ATF2: variants seen among roughly 807,000 people sequenced by gnomAD.
ATF2 encodes the protein activating transcription factor 2, also known as cyclic AMP-dependent transcription factor ATF-2.
ATF2 carries 24 observed loss-of-function variants against 60.6 expected under a neutral mutation model. The observed-to-expected ratio is 0.40, with a 90% CI of 0.29 to 0.56. The LOEUF (loss-of-function observed/expected upper bound fraction) is 0.56, where lower values mean the gene tolerates loss of function less well. Ranked by LOEUF, ATF2 falls within the 20% of genes least tolerant of loss-of-function variation. ATF2 has a pLI of 0.54. For synonymous variants in ATF2, 206 were observed against 215.4 expected (o/e 0.96, Z 0.38); for missense variants, 433 against 607.7 (o/e 0.71, Z 3.02).
chr2:175,163,862 A>ACAATGAGC (rs1451002505), intron 1 of ATF2, among the ~76,000 whole-genome samples: 1 of 131,820 alleles, frequency 7.6e-6, no homozygotes, highest in African/African-American at 2.7e-5. Context: ...GGCAGAGGTT[A>ACAATGAGC]CAATGAGCTG....
chr2:175,103,791 A>G (rs1189158860), intron 10 of ATF2, among the ~76,000 whole-genome samples: 1 of 152,180 alleles, frequency 6.6e-6, no homozygotes, highest in Non-Finnish European at 1.5e-5. Flanking sequence ...TTGATTACAA[A>G]TATTACAAAA....
At chr2:175,082,886 G>A (rs1048253290) in intron 12 of ATF2, among the ~76,000 whole-genome samples, 4 of 152,082 alleles carry the variant, frequency 2.6e-5, no homozygotes, top group African/African-American at 9.7e-5. Context: ...GCATAGGAAA[G>A]CATTTCACAA....
chr2:175,093,324 T>G lies in ATF2; in HGVS notation c.979-57A>C, dbSNP rs1220639371. ...TTTGTATCTAGTGAGTGAATTAACA[T>G]AGGCAGTAAAGGGTGTCAAAGGGGG... On this transcript the variant is annotated intron_variant, in intron 11 of 13. Transcript: ENST00000264110. 5.8e-6 allele frequency: 9 copies of G among 1,547,734 alleles called. No homozygotes were observed. The East Asian group carries it at 1.6e-4, about 28-fold the overall frequency.
chr2:175,118,459 G>T (rs1696733217), intron 5 of ATF2, 90 bp from the exon 6 acceptor site: 2 of 1,038,610 alleles, frequency 1.9e-6, no homozygotes, highest in East Asian at 5.4e-5. Flanking sequence ...AGCAGGACTG[G>T]TTCAGTCAGT....
chr2:175,142,177 T>G (rs1343971169), intron 2 of ATF2, among the ~76,000 whole-genome samples: 1 of 148,046 alleles, frequency 6.8e-6, no homozygotes, highest in Admixed American at 6.7e-5. Flanking sequence ...CTCTTTCCAG[T>G]TTTCTTTTCT....
intron 10 of ATF2, among the ~76,000 whole-genome samples, chr2:175,108,759 G>T (rs970232537): frequency 2.0e-5 from 3 of 150,356 alleles, no homozygotes; most frequent in Admixed American, 1.3e-4. Context: ...GGAAAAGATA[G>T]AGAAATCAGA....
Position 175,074,447 on chromosome 2 carries a change from C to T in ATF2, c.*162G>A. ...CAGAGACTAAAAACCGTTTTTCAGT[C>T]TGATCAACTGCTGCTACACCAACTT... On this transcript the variant is annotated 3_prime_UTR_variant, in exon 14 of 14. Coordinates refer to ENST00000264110, the MANE Select transcript of ATF2 (RefSeq NM_001880.4). The T allele has an allele frequency of 1.3e-6, 1 of 788,674 alleles. No homozygotes were observed. Among genetic ancestry groups the T allele is most frequent in the Non-Finnish European group, 1.9e-6 (1 of 538,014 alleles). 48.9% of individuals were successfully genotyped at this position (788,674 alleles called of 1,614,324 possible).
intron 1 of ATF2, among the ~76,000 whole-genome samples, chr2:175,164,960 G>A (rs1700255726): frequency 6.6e-6 from 1 of 152,162 alleles, no homozygotes; most frequent in Non-Finnish European, 1.5e-5. Context: ...AGGTGCTAGC[G>A]ATTCTCCTGC....
intron 13 of ATF2, chr2:175,075,154 A>C: frequency 1.0e-6 from 1 of 979,672 alleles, no homozygotes; most frequent in Non-Finnish European, 1.3e-6. Flanking sequence ...ATACAATCAA[A>C]CATTAAGTAT....
chr2:175,075,129 GAT>G, intron 13 of ATF2: 1 of 1,136,442 alleles, frequency 8.8e-7, no homozygotes, highest in Non-Finnish European at 1.1e-6. Flanking sequence ...GAGTTTGGAA[GAT>G]AGTCTCTTAC....
chr2:175,090,483 T>C (rs947460618), intron 12 of ATF2, among the ~76,000 whole-genome samples: 3 of 152,100 alleles, frequency 2.0e-5, no homozygotes, highest in Non-Finnish European at 4.4e-5. Flanking sequence ...CAGGTTAATA[T>C]AAATAGATGG....
At chr2:175,108,621 C>G (rs908877901) in intron 10 of ATF2, among the ~76,000 whole-genome samples, 1 of 152,162 alleles carries the variant, frequency 6.6e-6, no homozygotes. Flanking sequence ...GCCCGGCCGC[C>G]CCTTCTGGGA....
At chr2:175,075,444 G>C (rs1357278726) in intron 13 of ATF2, among the ~76,000 whole-genome samples, 3 of 152,056 alleles carry the variant, frequency 2.0e-5, no homozygotes, top group Non-Finnish European at 4.4e-5. Flanking sequence ...AATAAATTGG[G>C]ATTCAAGTAA....
At chr2:175,127,248 A>C (rs1022283972) in intron 4 of ATF2, 2 of 154,564 alleles carry the variant, frequency 1.3e-5, no homozygotes, top group Admixed American at 6.6e-5. Flanking sequence ...CGAGAAAAAA[A>C]AAAAAAAAAG....
rs182293419 is a variant in ATF2 at position 175,134,591 on chromosome 2, C to A, written c.32+1821G>T. ...AAAAAAGATCAGTGTGTTTAATCTG[C>A]CTTTTGTGCATAAAATGTATTTCCA... On this transcript the variant is annotated intron_variant, in intron 3 of 13. Transcript: ENST00000264110. Among the ~76,000 whole-genome samples the A allele has an allele frequency of 1.1e-3, 171 of 151,354 alleles. 1 individual carries two copies. The highest frequency in any genetic ancestry group is 3.7e-3 in the African/African-American group (153 of 41,290).
chr2:175,118,994 G>A (rs1696769607), intron 5 of ATF2, among the ~76,000 whole-genome samples: 1 of 151,630 alleles, frequency 6.6e-6, no homozygotes, highest in African/African-American at 2.4e-5. Context: ...TGAGTCACAT[G>A]CCTCCAGAAT....
At chr2:175,156,548 T>C (rs188895732) in intron 1 of ATF2, among the ~76,000 whole-genome samples, 20 of 152,160 alleles carry the variant, frequency 1.3e-4, no homozygotes, top group Admixed American at 1.1e-3. Context: ...CGAGAGGGAT[T>C]TGACCTGCCA....
chr2:175,101,872 G>C (rs1055573924), intron 10 of ATF2, among the ~76,000 whole-genome samples: 1 of 151,852 alleles, frequency 6.6e-6, no homozygotes, highest in Non-Finnish European at 1.5e-5. Flanking sequence ...AGATTTTAAG[G>C]GTTAATTAAC....
intron 1 of ATF2, among the ~76,000 whole-genome samples, chr2:175,153,063 AC>A (rs1699418201): frequency 6.6e-6 from 1 of 152,182 alleles, no homozygotes; most frequent in African/African-American, 2.4e-5. Context: ...TAAATACAAT[AC>A]CCTAAAAAAC....
Sources: allele counts gnomAD v4.1 joint callset (sites outside exome capture counted in the v4.1 genomes callset), GRCh38; gene constraint gnomAD v4.1.1; transcripts MANE v1.5; gene names NCBI Gene and HGNC (gene_info 2026-07-23, HGNC 2026-07-21).